The following ALCAM variants were observed in gnomAD, a reference collection of about 807,000 sequenced individuals.
ALCAM encodes the protein CD166 antigen.
A neutral mutation model predicts 70.9 loss-of-function variants in ALCAM; 30 were observed. The observed-to-expected ratio is 0.42, with a 90% CI of 0.32 to 0.57. The LOEUF (loss-of-function observed/expected upper bound fraction) is 0.57. ALCAM is among the 20% of genes least tolerant of loss of function. The pLI is 0.11. For synonymous variants in ALCAM, 249 were observed against 242.5 expected (o/e 1.03, Z -0.25); for missense variants, 591 against 695.1 (o/e 0.85, Z 1.68).
At position 105,550,172 on chromosome 3, in the gene ALCAM, A is replaced by G. The variant is rs918687551; in HGVS notation, c.1420A>G (p.Ile474Val). 3.7e-6 allele frequency: 6 copies of G among 1,601,350 alleles called. No homozygotes were observed. The highest frequency in any genetic ancestry group is 5.1e-6 in the Non-Finnish European group (6 of 1,169,836). ...YINGRYYSKI[I>V]ISPEENVTLT... ...TAATGGCAGGTATTATAGTAAAATTATCATTTCCCCTGAAGAGAATGTTAC... is the reference window on the plus strand; with the variant it reads ...TAATGGCAGGTATTATAGTAAAATTGTCATTTCCCCTGAAGAGAATGTTAC... Residue 474 changes from isoleucine to valine, a missense_variant, in exon 12 of 16, where the codon ATC becomes GTC. Physicochemically the swap from Ile to Val is conservative, Grantham distance 29. Transcript: ENST00000306107.
intron 1 of ALCAM, among the ~76,000 whole-genome samples, chr3:105,386,140 G>A (rs1044574453): frequency 1.3e-4 from 20 of 151,606 alleles, no homozygotes; most frequent in Admixed American, 1.2e-3. Flanking sequence ...TATAGAGGAA[G>A]TTAAAATTAA....
intron 1 of ALCAM, among the ~76,000 whole-genome samples, chr3:105,462,300 T>G (rs1476965997): frequency 6.6e-6 from 1 of 151,594 alleles, no homozygotes; most frequent in Non-Finnish European, 1.5e-5. Flanking sequence ...TTTGATAAGG[T>G]GGCATGTGGA....
intron 6 of ALCAM, among the ~76,000 whole-genome samples, chr3:105,535,852 C>A (rs778407983): frequency 6.6e-6 from 1 of 152,038 alleles, no homozygotes; most frequent in Non-Finnish European, 1.5e-5. Flanking sequence ...CCAGGAATGC[C>A]TGCTGAGCCT....
At chr3:105,525,955 T>A (rs999394189) in intron 3 of ALCAM, among the ~76,000 whole-genome samples, 2 of 152,230 alleles carry the variant, frequency 1.3e-5, no homozygotes, top group Admixed American at 1.3e-4. Context: ...GTGGCCCATG[T>A]ATTTTTTTCT....
chr3:105,456,390 A>G (rs1937535963), intron 1 of ALCAM, among the ~76,000 whole-genome samples: 1 of 152,240 alleles, frequency 6.6e-6, no homozygotes, highest in African/African-American at 2.4e-5. Context: ...ACAAAATGTA[A>G]ATTGACACTA....
intron 9 of ALCAM, among the ~76,000 whole-genome samples, chr3:105,546,912 C>T (rs535043152): frequency 3.0e-4 from 45 of 151,304 alleles, no homozygotes; most frequent in African/African-American, 9.2e-4. Flanking sequence ...TGGAATAGAA[C>T]GCTTTCCAAA....
chr3:105,567,406 C>T (rs967488145), intron 14 of ALCAM, among the ~76,000 whole-genome samples: 4 of 151,940 alleles, frequency 2.6e-5, no homozygotes, highest in Non-Finnish European at 5.9e-5. Flanking sequence ...TCACTATCAT[C>T]TCACAGGCCA....
chr3:105,432,559 T>C (rs1245368710), intron 1 of ALCAM, among the ~76,000 whole-genome samples: 1 of 152,084 alleles, frequency 6.6e-6, no homozygotes, highest in Non-Finnish European at 1.5e-5. Flanking sequence ...GTTTTTTTAA[T>C]CTCTCTGATC....
intron 1 of ALCAM, among the ~76,000 whole-genome samples, chr3:105,418,070 C>T (rs1438540): frequency 0.16 from 24,227 of 151,670 alleles, 2,206 homozygotes; most frequent in East Asian, 0.37. Flanking sequence ...TGCTGACTCA[C>T]CCTGAGTAAA....
intron 3 of ALCAM, among the ~76,000 whole-genome samples, chr3:105,526,387 C>T (rs1939706753): frequency 6.6e-6 from 1 of 151,576 alleles, no homozygotes; most frequent in African/African-American, 2.4e-5. Context: ...AAAAATTCAG[C>T]TGGCCTAATT....
chr3:105,411,031 T>G (rs1223630615), intron 1 of ALCAM, among the ~76,000 whole-genome samples: 1 of 152,098 alleles, frequency 6.6e-6, no homozygotes, highest in African/African-American at 2.4e-5. Flanking sequence ...AAACATCATA[T>G]AATATTGAAA....
intron 1 of ALCAM, among the ~76,000 whole-genome samples, chr3:105,412,325 T>C (rs2107396774): frequency 6.6e-6 from 1 of 152,212 alleles, no homozygotes; most frequent in Middle Eastern, 3.4e-3. Context: ...GAAACAAATG[T>C]GCTTTATTCT....
At chr3:105,536,733 A>G (rs1438247307) in intron 6 of ALCAM, among the ~76,000 whole-genome samples, 1 of 152,174 alleles carries the variant, frequency 6.6e-6, no homozygotes, top group Non-Finnish European at 1.5e-5. Context: ...CAGTAGAGAA[A>G]CAAGACACCT....
At position 105,466,624 on chromosome 3, in the gene ALCAM, G is replaced by A. The variant is rs115450773; in HGVS notation, c.74-53443G>A. 5.7e-3 allele frequency among the ~76,000 whole-genome samples: 861 copies of A among 151,428 alleles called. 7 individuals carry two copies. Among genetic ancestry groups the A allele is most frequent in the African/African-American group, 0.02 (831 of 41,444 alleles). On this transcript the variant is annotated intron_variant, in intron 1 of 15. Transcript: ENST00000306107. ...TGTCCATCTAACTTAATCAAGAGGT[G>A]ACTGTACTCTGGTATCCCTGAGACA...
At chr3:105,371,332 T>G (rs1335230706) in intron 1 of ALCAM, among the ~76,000 whole-genome samples, 1 of 152,160 alleles carries the variant, frequency 6.6e-6, no homozygotes, top group Non-Finnish European at 1.5e-5. Context: ...AATTTCTTTC[T>G]GTGCAATGTG....
At chr3:105,527,168 G>A (rs1939726073) in intron 3 of ALCAM, among the ~76,000 whole-genome samples, 1 of 152,106 alleles carries the variant, frequency 6.6e-6, no homozygotes, top group Admixed American at 6.6e-5. Flanking sequence ...ATCAAACTGT[G>A]TTTTTATTTA....
intron 11 of ALCAM, among the ~76,000 whole-genome samples, chr3:105,549,486 G>A (rs1940340706): frequency 6.6e-6 from 1 of 151,406 alleles, no homozygotes. Context: ...ACCTTGTTGG[G>A]TTTAGGAGTC....
rs893722469 is a variant in ALCAM, at chr3:105,441,358, T to A, written c.73+73877T>A. On this transcript the variant is annotated intron_variant, in intron 1 of 15. Transcript: ENST00000306107. ...GCTTAAGTTACTGGTTCAGTGTCTA[T>A]GGCAATGCATTAAATCAAGTTTCTG... 2.6e-5 allele frequency among the ~76,000 whole-genome samples: 4 copies of A among 152,300 alleles called. No individual in the cohort carries two copies. The South Asian group carries it at 8.3e-4, about 32-fold the overall frequency.
At chr3:105,395,811 C>T (rs1388948431) in intron 1 of ALCAM, among the ~76,000 whole-genome samples, 1 of 151,998 alleles carries the variant, frequency 6.6e-6, no homozygotes, top group Admixed American at 6.6e-5. Flanking sequence ...AATTCCTCAG[C>T]TCTTCTTTCT....
Sources: allele counts gnomAD v4.1 joint callset (sites outside exome capture counted in the v4.1 genomes callset), GRCh38; gene constraint gnomAD v4.1.1; transcripts MANE v1.5; gene names NCBI Gene and HGNC (gene_info 2026-07-23, HGNC 2026-07-21).